MYO18A: variants seen among roughly 807,000 people sequenced by gnomAD.
The protein encoded by MYO18A is unconventional myosin-XVIIIa.
MYO18A carries 78 observed loss-of-function variants against 235.8 expected under a neutral mutation model. The observed-to-expected ratio is 0.33, with a 90% CI of 0.28 to 0.40. The LOEUF (loss-of-function observed/expected upper bound fraction) is 0.40. MYO18A is among the 10% of genes least tolerant of loss of function. The probability of loss-of-function intolerance (pLI) is 1.00; values close to 1 mark genes in which losing one functional copy is unlikely to be tolerated. For synonymous variants in MYO18A, 977 were observed against 1,077.8 expected (o/e 0.91, Z 1.83); for missense variants, 2,215 against 2,699.3 (o/e 0.82, Z 3.98).
At chr17:29,086,349 T>A in intron 39 of MYO18A, 89 bp downstream of exon 39, 1 of 1,442,946 alleles carries the variant, frequency 6.9e-7, no homozygotes, top group Non-Finnish European at 9.5e-7. Context: ...GAGGCAGAGG[T>A]TGCAACTGTT....
intron 1 of MYO18A, among the ~76,000 whole-genome samples, chr17:29,171,893 AAAAG>A (rs1346130872): frequency 6.6e-6 from 1 of 151,490 alleles, no homozygotes; most frequent in Non-Finnish European, 1.5e-5. Flanking sequence ...ACCCTGTCTC[AAAAG>A]AAAGAAAGAA....
At chr17:29,084,464 C>T (rs1161501293) in intron 40 of MYO18A, among the ~76,000 whole-genome samples, 1 of 152,174 alleles carries the variant, frequency 6.6e-6, no homozygotes, top group African/African-American at 2.4e-5. Flanking sequence ...ATAATCAGGC[C>T]CGTAAACAAA....
intron 2 of MYO18A, among the ~76,000 whole-genome samples, chr17:29,129,761 T>C (rs2067417259): frequency 6.6e-6 from 1 of 152,222 alleles, no homozygotes; most frequent in African/African-American, 2.4e-5. Context: ...AAGGAGAAGT[T>C]GCTCCACCTT....
chr17:29,134,982 T>C (rs942747273), intron 2 of MYO18A, among the ~76,000 whole-genome samples: 2 of 152,164 alleles, frequency 1.3e-5, no homozygotes, highest in Middle Eastern at 3.2e-3. Flanking sequence ...TGTCCATCTA[T>C]GGATTAGAAA....
At chr17:29,093,849 GA>G (rs2066458455) in intron 31 of MYO18A, 130 bp downstream of exon 31, 1 of 671,062 alleles carries the variant, frequency 1.5e-6, no homozygotes, top group Non-Finnish European at 2.6e-6. Context: ...AGGATCCCGA[GA>G]GGCGCTTCCT....
intron 19 of MYO18A, among the ~76,000 whole-genome samples, chr17:29,108,516 C>T (rs941581572): frequency 1.3e-5 from 2 of 152,190 alleles, no homozygotes; most frequent in Non-Finnish European, 2.9e-5. Context: ...CTGGGAGGAG[C>T]GACTGTCTTG....
chr17:29,077,892 G>A (rs768090936), intron 41 of MYO18A: 1 of 152,238 alleles, frequency 6.6e-6, no homozygotes, highest in Non-Finnish European at 1.5e-5. Flanking sequence ...AACAAGGCCT[G>A]GCCCTCTTTG....
At chr17:29,155,364 C>T (rs1361334771) in intron 2 of MYO18A, 4 of 152,664 alleles carry the variant, frequency 2.6e-5, no homozygotes, top group Admixed American at 2.6e-4. Flanking sequence ...CCTCTTCTGC[C>T]CCAGGGCCGG....
chr17:29,114,042 G>A lies in MYO18A; in HGVS notation c.2567C>T (p.Ala856Val), dbSNP rs987513918. Reference protein sequence around the residue: ...DLEPPTDDSVAAVDQASHQSL... With the variant: ...DLEPPTDDSVVAVDQASHQSL... ...CTGATGGGAGGCCTGGTCCACAGCA[G>A]CCACAGAGTCATCCGTCGGGGGTTC... Residue 856 changes from alanine (A) to valine (V), a missense_variant, in exon 15 of 42, where the codon GCT becomes GTT. Transcript: ENST00000527372. 6.2e-7 allele frequency: 1 copy of A among 1,603,496 alleles called. No homozygotes were observed.
In MYO18A at chr17:29,074,316, C is replaced by A. The variant is rs2065926652; in HGVS notation, c.*454G>T. ...TAAAAAGTAGAAAGACAGCAGGCACCAAGAAGAGAGAGCCCCCACCCCACA... is the reference window on the plus strand; with the variant it reads ...TAAAAAGTAGAAAGACAGCAGGCACAAAGAAGAGAGAGCCCCCACCCCACA... On this transcript the variant is annotated 3_prime_UTR_variant, in exon 42 of 42. Coordinates refer to ENST00000527372, the MANE Select transcript of MYO18A (RefSeq NM_078471.4). The surrounding 1 kb of genome is among the most constrained non-coding windows in gnomAD (Gnocchi z 4.4). 74 of 967,460 alleles carry A rather than the reference C, an allele frequency of 7.6e-5. 5 individuals are homozygous for A. In the South Asian group the frequency reaches 1.2e-3, roughly 16 times the overall value. The allele number at this position is 967,460 out of a possible 1,614,324, so 59.9% of individuals were successfully genotyped here.
chr17:29,159,264 G>A (rs888798581), intron 2 of MYO18A, among the ~76,000 whole-genome samples: 3 of 151,968 alleles, frequency 2.0e-5, no homozygotes, highest in Non-Finnish European at 4.4e-5. Context: ...CTCCACAATA[G>A]ACAATCCCAA....
chr17:29,114,139 T>C (rs757695166), intron 14 of MYO18A, 42 bp from the exon 15 acceptor site: 11 of 1,476,960 alleles, frequency 7.4e-6, no homozygotes, highest in Middle Eastern at 1.7e-4. Flanking sequence ...GGGGGTCACA[T>C]TGTGGGGAAC....
At chr17:29,161,507 CAAAA>C (rs34979528) in intron 2 of MYO18A, among the ~76,000 whole-genome samples, 3 of 118,332 alleles carry the variant, frequency 2.5e-5, no homozygotes, top group Non-Finnish European at 1.8e-5. Context: ...GACCCTGTCT[CAAAA>C]AAAAAAAAAA....
At chr17:29,119,939 A>C (rs1210872492) in intron 7 of MYO18A, among the ~76,000 whole-genome samples, 1 of 151,960 alleles carries the variant, frequency 6.6e-6, no homozygotes, top group African/African-American at 2.4e-5. Flanking sequence ...GCAGTGGCGC[A>C]ATCACAGCTC....
At chr17:29,131,012 A>T (rs1197216247) in intron 2 of MYO18A, among the ~76,000 whole-genome samples, 2 of 152,150 alleles carry the variant, frequency 1.3e-5, no homozygotes, top group African/African-American at 4.8e-5. Context: ...CCCTGACCTA[A>T]GAGTTTGCCC....
At chr17:29,090,648 T>C in intron 35 of MYO18A, 33 bp from the exon 36 acceptor site, 1 of 1,586,922 alleles carries the variant, frequency 6.3e-7, no homozygotes, top group Non-Finnish European at 8.6e-7. Context: ...AGAAGCAGGA[T>C]CCCCCATAAG....
Position 29,092,077 on chromosome 17 carries a change from C to A in MYO18A, c.5187+266G>T, listed in dbSNP as rs142287132. Among the ~76,000 whole-genome samples the A allele has an allele frequency of 8.5e-5, 13 of 152,330 alleles. No individual in the cohort carries two copies. The East Asian group carries it at 2.3e-3, about 27-fold the overall frequency. ...CCTTTATTTATGGTGTTGGGGCCTG[C>A]GGCCAAGCTCCCGTAGGCAGGTGGT... On this transcript the variant is annotated intron_variant, in intron 34 of 41. Transcript: ENST00000527372.
At position 29,106,134 on chromosome 17, in the gene MYO18A, G is replaced by A. The variant is rs1245130119; in HGVS notation, c.3441+946C>T. 6.6e-6 allele frequency among the ~76,000 whole-genome samples: 1 copy of A among 152,206 alleles called. No individual in the cohort carries two copies. Among genetic ancestry groups the A allele is most frequent in the Non-Finnish European group, 1.5e-5 (1 of 68,018 alleles). ...AGGCACGAGGCTGTGGTCAGAGAAG[G>A]CCATGCTGGGATTTATGATTTTGGA... On this transcript the variant is annotated intron_variant, in intron 20 of 41. Coordinates refer to ENST00000527372, the MANE Select transcript of MYO18A (RefSeq NM_078471.4). This position sits in a 1 kb window ranked among gnomAD's most constrained non-coding sequence, Gnocchi z 4.6.
intron 1 of MYO18A, among the ~76,000 whole-genome samples, chr17:29,169,470 G>T (rs1011951115): frequency 9.2e-5 from 14 of 152,160 alleles, no homozygotes; most frequent in Non-Finnish European, 1.6e-4. Flanking sequence ...CTGATTTGGG[G>T]TGGAGGAGTA....
Sources: allele counts gnomAD v4.1 joint callset (sites outside exome capture counted in the v4.1 genomes callset), GRCh38; gene constraint gnomAD v4.1.1; non-coding constraint Gnocchi (gnomAD v3.1); transcripts MANE v1.5; gene names NCBI Gene and HGNC (gene_info 2026-07-23, HGNC 2026-07-21).